The following KCNAB3 variants were observed in gnomAD, a reference collection of about 807,000 sequenced individuals.
KCNAB3 encodes the protein potassium voltage-gated channel subfamily A regulatory beta subunit 3.
Under a neutral mutation model 67.7 loss-of-function variants are expected in KCNAB3, and 62 were observed. The observed-to-expected ratio is 0.92, with a 90% confidence interval of 0.75 to 1.13. KCNAB3 has a LOEUF of 1.13. Ranked by LOEUF, KCNAB3 falls within the 50% of genes most tolerant of loss-of-function variation. KCNAB3 has a pLI of 0.00. For synonymous variants in KCNAB3, 212 were observed against 205.4 expected, an observed-to-expected ratio of 1.03 and a Z score of -0.27; for missense variants, 514 against 522.9, an observed-to-expected ratio of 0.98 and a Z score of 0.17.
chr17:7,923,906 G>GT, intron 11 of KCNAB3, 62 bp downstream of exon 11: 1 of 1,559,882 alleles, frequency 6.4e-7, no homozygotes, highest in South Asian at 1.2e-5. Context: ...GCAGCCCCCC[G>GT]TAACTCCCCC....
In KCNAB3 at chr17:7,923,560, G is replaced by GA; in HGVS notation, c.1049-17dup. On this transcript the variant is annotated splice_polypyrimidine_tract_variant and intron_variant, in intron 12 of 13. Coordinates refer to ENST00000303790, the MANE Select transcript of KCNAB3 (RefSeq NM_004732.4). ...AGACACCACGCTGGGGCCAGAGGAG[G>GA]AAAAAAAGAGGACTGATGGGGAACA... The GA allele has an allele frequency of 6.3e-7, 1 of 1,586,986 alleles. No individual in the cohort carries two copies. Among genetic ancestry groups the GA allele is most frequent in the East Asian group, 2.3e-5 (1 of 43,042 alleles).
At chr17:7,927,738 C>T (rs746223100) in intron 2 of KCNAB3, 44 bp from the exon 3 acceptor site, 2 of 1,614,166 alleles carry the variant, frequency 1.2e-6, no homozygotes, top group Middle Eastern at 1.6e-4. Flanking sequence ...AGGGGGCAGA[C>T]CATGAAAGAA....
In KCNAB3 at chr17:7,922,941, G is replaced by A. The variant is rs941387247; in HGVS notation, c.*161C>T. 1.2e-5 allele frequency: 8 copies of A among 671,002 alleles called. No individual in the cohort carries two copies. The highest frequency in any genetic ancestry group is 1.1e-4 in the African/African-American group (6 of 56,396). The allele number at this position is 671,002 out of a possible 1,614,324, so 41.6% of individuals were successfully genotyped here. On this transcript the variant is annotated 3_prime_UTR_variant, in exon 14 of 14. Coordinates refer to ENST00000303790, the MANE Select transcript of KCNAB3 (RefSeq NM_004732.4). ...CCCCACTGCAAAAGGATATGGCTTT[G>A]TTCATGCGTATCACTACTCGAAGCC...
intron 12 of KCNAB3, 23 bp from the exon 13 acceptor site, chr17:7,923,567 A>G (rs761523423): frequency 1.3e-4 from 205 of 1,583,850 alleles, no homozygotes; most frequent in Non-Finnish European, 4.6e-5. Context: ...GAGGAAAAAA[A>G]GAGGACTGAT....
chr17:7,923,631 C>T, intron 12 of KCNAB3, 80 bp downstream of exon 12: 1 of 1,552,688 alleles, frequency 6.4e-7, no homozygotes, highest in South Asian at 1.2e-5. Context: ...AAGCGTCCTC[C>T]CTAGGGACAA....
rs1327802254 is a variant in KCNAB3 at position 7,923,089 on chromosome 17, C to T, written c.*13G>A. ...GCAGCGACACCGGGTTGGGTCCCTGCGCCCGCGACAGACTACTTCTTGGAA... is the reference window on the plus strand; with the variant it reads ...GCAGCGACACCGGGTTGGGTCCCTGTGCCCGCGACAGACTACTTCTTGGAA... On this transcript the variant is annotated 3_prime_UTR_variant, in exon 14 of 14. Transcript: ENST00000303790. 1.2e-6 allele frequency: 2 copies of T among 1,613,650 alleles called. No individual in the cohort carries two copies. The highest frequency in any genetic ancestry group is 1.7e-4 in the Middle Eastern group (1 of 6,048).
chr17:7,927,972 C>T (rs1972292672), intron 1 of KCNAB3, 146 bp from the exon 2 acceptor site: 1 of 879,008 alleles, frequency 1.1e-6, no homozygotes, highest in African/African-American at 1.7e-5. Context: ...TAAGATTGGG[C>T]AAGTGCTATC....
At chr17:7,928,123 C>T (rs1972297860) in intron 1 of KCNAB3, 2 of 539,118 alleles carry the variant, frequency 3.7e-6, no homozygotes, top group African/African-American at 1.9e-5. Context: ...CTTCTGGGGT[C>T]TTGTCTGTGT....
chr17:7,922,751 G>T lies in KCNAB3; in HGVS notation c.*351C>A. 2.8e-6 allele frequency: 1 copy of T among 361,614 alleles called. No individual in the cohort carries two copies. Among genetic ancestry groups the T allele is most frequent in the Non-Finnish European group, 5.3e-6 (1 of 190,312 alleles). 22.4% of individuals were successfully genotyped at this position (361,614 alleles called of 1,614,324 possible). On this transcript the variant is annotated 3_prime_UTR_variant, in exon 14 of 14. Coordinates refer to ENST00000303790, the MANE Select transcript of KCNAB3 (RefSeq NM_004732.4). The stretch of plus-strand genomic sequence containing the variant: ...ACACTGTATGTTTCTTGTATGTGCT[G>T]GGTTTTTGTTTTTGTTTTCTTTTCT...
chr17:7,925,344 G>A (rs1461949894), intron 7 of KCNAB3, 161 bp from the exon 8 acceptor site: 6 of 594,328 alleles, frequency 1.0e-5, no homozygotes, highest in African/African-American at 5.6e-5. Context: ...CCTGGCTAAC[G>A]TGGTGAAACC....
At chr17:7,927,741 T>G (rs751486714) in intron 2 of KCNAB3, 42 bp downstream of exon 2, 3 of 1,614,120 alleles carry the variant, frequency 1.9e-6, no homozygotes, top group Non-Finnish European at 2.5e-6. Context: ...GGGCAGACCA[T>G]GAAAGAATGC....
chr17:7,924,089 A>G, intron 10 of KCNAB3, 27 bp from the exon 11 acceptor site: 1 of 1,614,140 alleles, frequency 6.2e-7, no homozygotes, highest in Non-Finnish European at 8.5e-7. Context: ...GGGTGTCAGG[A>G]AAAGGACCTA....
rs1345834892 is a variant in KCNAB3, at chr17:7,929,658, AGT to A, written c.-225_-224del. ...GGGAAGAAACGTGGGGGGCGCCAGG[AGT>A]GGAGATATTCAGTTACGGGGGACAC... On this transcript the variant is annotated 5_prime_UTR_variant, in exon 1 of 14. Transcript: ENST00000303790. The surrounding 1 kb of genome is among the most constrained non-coding windows in gnomAD (Gnocchi z 5.7). 7.1e-7 allele frequency: 1 copy of A among 1,412,304 alleles called. No homozygotes were observed. Among genetic ancestry groups the A allele is most frequent in the Non-Finnish European group, 9.2e-7 (1 of 1,090,336 alleles). 87.5% of individuals were successfully genotyped at this position (1,412,304 alleles called of 1,614,324 possible).
chr17:7,924,417 T>A lies in KCNAB3; in HGVS notation c.709A>T (p.Met237Leu). 6.2e-7 allele frequency: 1 copy of A among 1,613,618 alleles called. No individual in the cohort carries two copies. Among genetic ancestry groups the A allele is most frequent in the Non-Finnish European group, 8.5e-7 (1 of 1,179,702 alleles). The change falls in exon 9 of 14, where the codon ATG becomes TTG. Residue 237 changes from methionine to leucine, a missense_variant and splice_region_variant. Transcript: ENST00000303790. ...GCAAGGTGGGGTCACACACTCACCA[T>A]GATTTCTGCAGCCCCCCATCGGGAT... ...GTSRWGAAEI[M>L]EAYSMARQFN...
chr17:7,928,754 G>C (rs544213236), intron 1 of KCNAB3, among the ~76,000 whole-genome samples: 1 of 152,362 alleles, frequency 6.6e-6, no homozygotes, highest in South Asian at 2.1e-4. Flanking sequence ...GGTCGCAGAA[G>C]ACCTAGCCTT....
At chr17:7,923,396 C>T (rs1030023836) in intron 13 of KCNAB3, 60 bp downstream of exon 13, 7 of 1,516,478 alleles carry the variant, frequency 4.6e-6, no homozygotes, top group Non-Finnish European at 4.5e-6. Flanking sequence ...GGTTGGATAG[C>T]GTGGCTTTGA....
intron 6 of KCNAB3, 53 bp from the exon 7 acceptor site, chr17:7,925,779 G>A: frequency 5.6e-6 from 9 of 1,610,398 alleles, no homozygotes; most frequent in Non-Finnish European, 7.6e-6. Flanking sequence ...GGGGACCGGG[G>A]CTGGCTTGGA....
chr17:7,925,834 G>C, intron 6 of KCNAB3, 97 bp downstream of exon 6: 1 of 1,589,322 alleles, frequency 6.3e-7, no homozygotes, highest in East Asian at 2.2e-5. Context: ...GGCATGGTGC[G>C]GACCTGGTGC....
In KCNAB3 at chr17:7,924,261, G is replaced by A. The variant is rs1972148530; in HGVS notation, c.716C>T (p.Ala239Val). 1 of 1,614,038 alleles carries A rather than the reference G, an allele frequency of 6.2e-7. No individual in the cohort carries two copies. The highest frequency in any genetic ancestry group is 8.5e-7 in the Non-Finnish European group (1 of 1,180,008). ...SRWGAAEIME[A>V]YSMARQFNLI... is the part of the protein sequence containing the mutation. The stretch of plus-strand genomic sequence containing the variant: ...ATTGAACTGTCTGGCCATGGAGTAG[G>A]CCTCCTGGGTTGGGGTTGGGGAAAA... The change falls in exon 10 of 14, where the codon GCC becomes GTC. Residue 239 changes from alanine (A) to valine (V), a missense_variant. Physicochemically the swap from Ala to Val is moderately conservative, Grantham distance 64. Transcript: ENST00000303790.
Sources: allele counts gnomAD v4.1 joint callset (sites outside exome capture counted in the v4.1 genomes callset), GRCh38; gene constraint gnomAD v4.1.1; non-coding constraint Gnocchi (gnomAD v3.1); transcripts MANE v1.5; gene names NCBI Gene and HGNC (gene_info 2026-07-23, HGNC 2026-07-21).